PACRG: variants seen among roughly 807,000 people sequenced by gnomAD.
PACRG encodes parkin coregulated.
A neutral mutation model predicts 29.7 loss-of-function variants in PACRG; 29 were observed. The observed-to-expected ratio is 0.98, with a 90% CI of 0.73 to 1.33. The LOEUF (loss-of-function observed/expected upper bound fraction) is 1.33, where lower values mean the gene tolerates loss of function less well. Ranked by LOEUF, PACRG falls within the 40% of genes most tolerant of loss-of-function variation. The pLI, the probability that PACRG is intolerant of heterozygous loss-of-function variation, is 0.00. For missense variants in PACRG, 279 were observed against 316.2 expected (o/e 0.88, Z 0.89); for synonymous variants, 116 against 118.7 (o/e 0.98, Z 0.15).
intron 4 of PACRG, among the ~76,000 whole-genome samples, chr6:163,141,225 C>T (rs1370613275): frequency 1.3e-5 from 2 of 151,960 alleles, no homozygotes; most frequent in East Asian, 1.9e-4. Flanking sequence ...TAAGATATCA[C>T]CCAAGAGGGA....
chr6:162,861,074 A>G (rs1226853630), intron 2 of PACRG, among the ~76,000 whole-genome samples: 1 of 151,966 alleles, frequency 6.6e-6, no homozygotes, highest in Non-Finnish European at 1.5e-5. Flanking sequence ...ACTGCTTCTC[A>G]TGAAGGCTGT....
Position 163,015,198 on chromosome 6 carries a change from T to C in PACRG, c.292-46952T>C, listed in dbSNP as rs532848962. 5.3e-5 allele frequency among the ~76,000 whole-genome samples: 8 copies of C among 152,330 alleles called. No homozygotes were observed. The South Asian group carries it at 1.5e-3, about 28-fold the overall frequency. On this transcript the variant is annotated intron_variant, in intron 2 of 4. Transcript: ENST00000366888. The stretch of plus-strand genomic sequence containing the variant: ...TTTCTGGGTTCTCTATTGTGTTCCA[T>C]TGGTCTGTGTGTCCAGCTTTGTACC...
intron 2 of PACRG, among the ~76,000 whole-genome samples, chr6:163,030,732 A>G (rs544286667): frequency 7.0e-4 from 106 of 152,334 alleles, no homozygotes; most frequent in African/African-American, 2.3e-3. Context: ...TGGACTATTC[A>G]TGCCTCCCCC....
intron 1 of PACRG, among the ~76,000 whole-genome samples, chr6:162,788,269 G>A (rs1784668608): frequency 6.6e-6 from 1 of 152,084 alleles, no homozygotes; most frequent in Non-Finnish European, 1.5e-5. Flanking sequence ...ACAGTTTGTA[G>A]CCTTTGAAGA....
intron 2 of PACRG, among the ~76,000 whole-genome samples, chr6:162,938,411 T>C (rs1163546369): frequency 1.3e-5 from 2 of 152,364 alleles, no homozygotes; most frequent in East Asian, 1.9e-4. Flanking sequence ...TCTGGGTAGA[T>C]ACCCAGTAGT....
chr6:163,233,219 C>T lies in PACRG; in HGVS notation c.614-81608C>T, dbSNP rs543703463. ...TTCTCACCTACTTTCATGTTTTCTA[C>T]ATCTCTGTTAGGAGATTTAAATTAT... is the stretch of plus-strand genomic sequence containing the variant. On this transcript the variant is annotated intron_variant, in intron 4 of 4. Coordinates refer to ENST00000366888, the MANE Select transcript of PACRG (RefSeq NM_001080379.2). 2.6e-5 allele frequency among the ~76,000 whole-genome samples: 4 copies of T among 152,346 alleles called. No homozygotes were observed. In the South Asian group the frequency reaches 8.3e-4, roughly 32 times the overall value.
chr6:163,121,291 G>A (rs1816254447), intron 4 of PACRG, among the ~76,000 whole-genome samples: 1 of 152,118 alleles, frequency 6.6e-6, no homozygotes, highest in African/African-American at 2.4e-5. Flanking sequence ...CATTCCTTAA[G>A]CAGGACTGTC....
intron 2 of PACRG, among the ~76,000 whole-genome samples, chr6:162,866,714 AAGACAC>A (rs1792326941): frequency 6.6e-6 from 1 of 152,224 alleles, no homozygotes; most frequent in Non-Finnish European, 1.5e-5. Context: ...GGGAACTTAA[AAGACAC>A]AGTTACAATA....
chr6:162,958,876 TATATATATAGAGAGAGAGAGAGAG>T (rs1356937891), intron 2 of PACRG, among the ~76,000 whole-genome samples: 369 of 29,942 alleles, frequency 0.012, no homozygotes, highest in Middle Eastern at 0.019. Flanking sequence ...TATATATATA[TATATATATAGAGAGAGAGAGAGAG>T]AGAGAGAGAG....
intron 4 of PACRG, among the ~76,000 whole-genome samples, chr6:163,290,568 C>G (rs1784566672): frequency 1.3e-5 from 2 of 152,192 alleles, no homozygotes; most frequent in South Asian, 2.1e-4. Context: ...TCCTGGGAAC[C>G]TGGGCAAACC....
intron 2 of PACRG, chr6:162,957,305 G>C (rs529157144): frequency 1.7e-6 from 1 of 580,120 alleles, no homozygotes; most frequent in Non-Finnish European, 3.2e-6. Context: ...AAGAAAGCAC[G>C]CTTGATCCTG....
chr6:163,229,449 T>C (rs1266104989), intron 4 of PACRG, among the ~76,000 whole-genome samples: 2 of 152,238 alleles, frequency 1.3e-5, no homozygotes. Flanking sequence ...CTCAGAGCAC[T>C]CAGATTGCAT....
intron 2 of PACRG, among the ~76,000 whole-genome samples, chr6:162,874,155 T>A (rs57065566): frequency 0.078 from 9,747 of 125,254 alleles, 498 homozygotes; most frequent in African/African-American, 0.16. Flanking sequence ...AAAAAAAATA[T>A]ATATATATAT....
intron 4 of PACRG, among the ~76,000 whole-genome samples, chr6:163,141,526 C>T (rs1817151778): frequency 6.6e-6 from 1 of 150,594 alleles, no homozygotes; most frequent in Non-Finnish European, 1.5e-5. Flanking sequence ...TCAGCCAAAG[C>T]TTTGTTTTAT....
chr6:163,186,641 G>C (rs1301350152), intron 4 of PACRG, among the ~76,000 whole-genome samples: 1 of 152,196 alleles, frequency 6.6e-6, no homozygotes, highest in African/African-American at 2.4e-5. Flanking sequence ...TCCCTGCCCA[G>C]TGGAGCCGTC....
At chr6:162,948,506 A>T (rs1021981968) in intron 2 of PACRG, among the ~76,000 whole-genome samples, 5 of 152,180 alleles carry the variant, frequency 3.3e-5, no homozygotes, top group Non-Finnish European at 7.4e-5. Flanking sequence ...AAGACCTTAA[A>T]ACCATAGGCA....
intron 4 of PACRG, among the ~76,000 whole-genome samples, chr6:163,136,730 G>A (rs899657394): frequency 6.6e-6 from 1 of 151,920 alleles, no homozygotes; most frequent in East Asian, 1.9e-4. Context: ...GCCAATTTAG[G>A]GATTACTGAA....
intron 2 of PACRG, among the ~76,000 whole-genome samples, chr6:162,919,719 A>T (rs1796936553): frequency 6.6e-6 from 1 of 152,208 alleles, no homozygotes; most frequent in African/African-American, 2.4e-5. Context: ...GCTGAATTTT[A>T]CTAAATTAGG....
chr6:162,754,735 A>G (rs1371892221), intron 1 of PACRG, among the ~76,000 whole-genome samples: 1 of 151,978 alleles, frequency 6.6e-6, no homozygotes, highest in Non-Finnish European at 1.5e-5. Flanking sequence ...TATTTTCCCC[A>G]TTGTGTGTTC....
Sources: allele counts gnomAD v4.1 joint callset (sites outside exome capture counted in the v4.1 genomes callset), GRCh38; gene constraint gnomAD v4.1.1; transcripts MANE v1.5; gene names NCBI Gene and HGNC (gene_info 2026-07-23, HGNC 2026-07-21).